The following COG8 variants were observed in gnomAD, a reference collection of about 807,000 sequenced individuals.
The protein encoded by COG8 is conserved oligomeric Golgi complex subunit 8.
COG8 carries 45 observed loss-of-function variants against 46.5 expected under a neutral mutation model. That is an observed-to-expected ratio of 0.97 (90% confidence interval 0.76 to 1.24). The LOEUF is 1.24. Among genes scored for constraint, COG8 ranks in the 50% most tolerant of loss-of-function variants. The pLI, the probability that COG8 is intolerant of heterozygous loss-of-function variation, is 0.00. For missense variants in COG8, 793 were observed against 820.8 expected (o/e 0.97, Z 0.41); for synonymous variants, 407 against 347.8 (o/e 1.17, Z -1.90).
chr16:69,333,022 A>C, intron 3 of COG8, 140 bp from the exon 4 acceptor site: 1 of 762,178 alleles, frequency 1.3e-6, no homozygotes, highest in Non-Finnish European at 2.2e-6. Context: ...TTACTGTCTC[A>C]TTTAAACTCA....
rs1359562223 is a variant in COG8, at chr16:69,339,480, C to T, written c.73G>A (p.Gly25Arg). 6 of 1,604,222 alleles carry T rather than the reference C, an allele frequency of 3.7e-6. No homozygotes were observed. In the African/African-American group the frequency reaches 6.7e-5, roughly 18 times the overall value. ...TCCCGGAACAGCGACGCCAGGAGCC[C>T]TTCATCCTCCACCTCGCCGAGAGCC... ...AAALGEVEDE[G>R]LLASLFRDRF... is the part of the protein sequence containing the mutation. Residue 25 changes from glycine to arginine, a missense_variant, in exon 1 of 6, where the codon GGG (glycine) becomes AGG (arginine). Gly to Arg is a moderately radical substitution (Grantham distance 125). Coordinates refer to ENST00000306875, the MANE Select transcript of COG8 (RefSeq NM_032382.5).
chr16:69,330,788 AC>A, intron 5 of COG8, 24 bp downstream of exon 5: 4 of 1,505,206 alleles, frequency 2.7e-6, no homozygotes, highest in Non-Finnish European at 3.5e-6. Context: ...AGTCCTGGCC[AC>A]CCCGCGCCGG....
chr16:69,339,472 C>G lies in COG8; in HGVS notation c.81G>C (p.Leu27=). 1.9e-6 allele frequency: 3 copies of G among 1,602,724 alleles called. No individual in the cohort carries two copies. The highest frequency in any genetic ancestry group is 1.7e-6 in the Non-Finnish European group (2 of 1,179,146). ...GGAAGCGGTCCCGGAACAGCGACGCCAGGAGCCCTTCATCCTCCACCTCGC... is the reference window on the plus strand; with the variant it reads ...GGAAGCGGTCCCGGAACAGCGACGCGAGGAGCCCTTCATCCTCCACCTCGC... ...ALGEVEDEGL[L]ASLFRDRFPE... Residue 27 remains leucine (L), a synonymous_variant, in exon 1 of 6, where the codon CTG becomes CTC. Coordinates refer to ENST00000306875, the MANE Select transcript of COG8 (RefSeq NM_032382.5).
At position 69,334,647 on chromosome 16, in the gene COG8, G is replaced by C. The variant is rs1248098003; in HGVS notation, c.1287C>G (p.Leu429=). The change falls in exon 3 of 6, where the codon CTC becomes CTG. Residue 429 remains leucine, a synonymous_variant. Coordinates refer to ENST00000306875, the MANE Select transcript of COG8 (RefSeq NM_032382.5). ...QPGTLQPPMV[L]LDFPPLACFL... ...AGCAGGCGAGGGGTGGGAAATCTAG[G>C]AGCACCATGGGTGGCTGCAGCGTCC... 6.2e-7 allele frequency: 1 copy of C among 1,614,186 alleles called. No homozygotes were observed. Among genetic ancestry groups the C allele is most frequent in the Non-Finnish European group, 8.5e-7 (1 of 1,180,032 alleles).
At chr16:69,331,682 T>C (rs1391953606) in intron 4 of COG8, among the ~76,000 whole-genome samples, 2 of 151,914 alleles carry the variant, frequency 1.3e-5, no homozygotes, top group Non-Finnish European at 2.9e-5. Flanking sequence ...TTTGTATTTT[T>C]AGTAGAGACG....
chr16:69,330,893 G>A lies in COG8; in HGVS notation c.1785C>T (p.Cys595=), dbSNP rs761610722. The change falls in exon 5 of 6, where the codon TGC becomes TGT. Residue 595 remains cysteine, a synonymous_variant. Coordinates refer to ENST00000306875, the MANE Select transcript of COG8 (RefSeq NM_032382.5). Reference sequence around the variant, plus strand: ...GCGTCTCCGCTCGCCCTCCCTCCGGGCAGGCTGGGCCCGCGGGCTCCAGGC... The same window carrying A: ...GCGTCTCCGCTCGCCCTCCCTCCGGACAGGCTGGGCCCGCGGGCTCCAGGC... ...EPRLEPAGPA[C]PEGGRAETQA... 9.9e-5 allele frequency: 153 copies of A among 1,549,716 alleles called. No individual in the cohort carries two copies. The highest frequency in any genetic ancestry group is 3.4e-4 in the Middle Eastern group (2 of 5,876).
chr16:69,330,784 G>A (rs775033549), intron 5 of COG8, 29 bp downstream of exon 5: 28 of 1,502,116 alleles, frequency 1.9e-5, no homozygotes, highest in Non-Finnish European at 2.2e-5. Flanking sequence ...AGGCAGTCCT[G>A]GCCACCCCGC....
In COG8 at chr16:69,332,180, G is replaced by A. The variant is rs563837263; in HGVS notation, c.1582+534C>T. ...ATCCTGGCCAACATGGTGAAACCCC[G>A]TCTCTACTAAAACACAAAAATTAGC... is the stretch of plus-strand genomic sequence containing the variant. On this transcript the variant is annotated intron_variant, in intron 4 of 5. Transcript: ENST00000306875. 1.0e-3 allele frequency among the ~76,000 whole-genome samples: 152 copies of A among 152,140 alleles called. No individual in the cohort carries two copies. The Middle Eastern group carries it at 0.01, about 10-fold the overall frequency.
chr16:69,327,568 G>C lies in COG8; in HGVS notation c.*1638C>G, dbSNP rs1287729912. On this transcript the variant is annotated 3_prime_UTR_variant, in exon 6 of 6. Coordinates refer to ENST00000306875, the MANE Select transcript of COG8 (RefSeq NM_032382.5). ...CCACAAAGGAGGATGGGTCTTTCCT[G>C]GGTTCATTTAACTGCCATTTATAAC... 2.0e-5 allele frequency: 3 copies of C among 151,950 alleles called. No homozygotes were observed. Among genetic ancestry groups the C allele is most frequent in the Non-Finnish European group, 4.4e-5 (3 of 68,026 alleles). 9.4% of individuals were successfully genotyped at this position (151,950 alleles called of 1,614,324 possible).
chr16:69,337,715 G>A (rs910148886), intron 1 of COG8, among the ~76,000 whole-genome samples: 1 of 150,742 alleles, frequency 6.6e-6, no homozygotes, highest in Non-Finnish European at 1.5e-5. Context: ...AATGGAGACA[G>A]AATATGACTC....
chr16:69,337,166 A>G (rs2012249714), intron 1 of COG8, among the ~76,000 whole-genome samples: 1 of 151,928 alleles, frequency 6.6e-6, no homozygotes, highest in Admixed American at 6.6e-5. Flanking sequence ...CTGTAGTCCC[A>G]GCTACTCAGG....
At chr16:69,331,511 ATT>A (rs568053540) in intron 4 of COG8, among the ~76,000 whole-genome samples, 1 of 129,680 alleles carries the variant, frequency 7.7e-6, no homozygotes, top group Admixed American at 7.7e-5. Flanking sequence ...AGCCATTACT[ATT>A]TTTTTTTTTG....
Position 69,330,180 on chromosome 16 carries a change from G to T in COG8, c.*26+633C>A, listed in dbSNP as rs768934889. Reference sequence around the variant, plus strand: ...TGGCGGGGCGGGCACTCCCGACACAGCGCCTCGGGGAGCTCCAGCGCCAGC... The same window carrying T: ...TGGCGGGGCGGGCACTCCCGACACATCGCCTCGGGGAGCTCCAGCGCCAGC... On this transcript the variant is annotated intron_variant, in intron 5 of 5. Transcript: ENST00000306875. The T allele has an allele frequency of 8.0e-5, 119 of 1,495,484 alleles. 2 individuals are homozygous for T. The South Asian group carries it at 1.5e-3, about 19-fold the overall frequency. 92.6% of individuals were successfully genotyped at this position (1,495,484 alleles called of 1,614,324 possible).
rs1316259365 is a variant in COG8 at position 69,335,080 on chromosome 16, A to G, written c.854T>C (p.Ile285Thr). ...GAAGATGGCACGGTACTGGGTGATG[A>G]TATCAAAGAGATGGACACGGGAGGC... is the stretch of plus-strand genomic sequence containing the variant. ...IEASRVHLFDIITQYRAIFSD... is the reference protein window; with the variant it reads ...IEASRVHLFDTITQYRAIFSD... The change falls in exon 3 of 6, where the codon ATC (isoleucine) becomes ACC (threonine). Residue 285 changes from isoleucine to threonine, a missense_variant. By Grantham distance (89) the Ile-to-Thr change is moderately conservative (BLOSUM62 -1). Coordinates refer to ENST00000306875, the MANE Select transcript of COG8 (RefSeq NM_032382.5). 1.2e-6 allele frequency: 2 copies of G among 1,614,062 alleles called. No individual in the cohort carries two copies. The highest frequency in any genetic ancestry group is 4.5e-5 in the East Asian group (2 of 44,902).
intron 3 of COG8, 94 bp from the exon 4 acceptor site, chr16:69,332,976 G>A: frequency 8.6e-7 from 1 of 1,164,674 alleles, no homozygotes. Context: ...TGCCCCTCCA[G>A]TTTTCCTGAA....
chr16:69,330,741 G>C, intron 5 of COG8, 72 bp downstream of exon 5: 1 of 1,428,876 alleles, frequency 7.0e-7, no homozygotes. Context: ...GCGCCTTCCC[G>C]CCTCCCGAAC....
In COG8 at chr16:69,335,250, G is replaced by C. The variant is rs1203805589; in HGVS notation, c.684C>G (p.Val228=). 1 of 1,613,806 alleles carries C rather than the reference G, an allele frequency of 6.2e-7. No homozygotes were observed. The highest frequency in any genetic ancestry group is 8.5e-7 in the Non-Finnish European group (1 of 1,179,986). Residue 228 remains valine (V), a synonymous_variant, in exon 3 of 6, where the codon GTC becomes GTG. Coordinates refer to ENST00000306875, the MANE Select transcript of COG8 (RefSeq NM_032382.5). ...TNIQLPACLR[V]IGYLRRMDVF... Reference sequence around the variant, plus strand: ...CGTCCATGCGCCGCAGGTAGCCAATGACACGGAGGCAGGCAGGAAGCTGGA... The same window carrying C: ...CGTCCATGCGCCGCAGGTAGCCAATCACACGGAGGCAGGCAGGAAGCTGGA...
chr16:69,337,154 G>A (rs1004533747), intron 1 of COG8, among the ~76,000 whole-genome samples: 8 of 151,898 alleles, frequency 5.3e-5, no homozygotes, highest in African/African-American at 9.7e-5. Context: ...GGTGGTGCGC[G>A]CCTGTAGTCC....
Position 69,336,560 on chromosome 16 carries a change from A to C in COG8, c.530T>G (p.Leu177Arg). The C allele has an allele frequency of 1.2e-6, 2 of 1,614,186 alleles. No homozygotes were observed. The highest frequency in any genetic ancestry group is 1.7e-6 in the Non-Finnish European group (2 of 1,180,032). ...CTCCAGTCGGCGTACGTAGGCTGCA[A>C]GCTCCAGGGCCTCTTCATAATAACT... ...RNSYYEEALE[L>R]AAYVRRLERK... The change falls in exon 2 of 6, where the codon CTT becomes CGT. Residue 177 changes from leucine (L) to arginine (R), a missense_variant. Physicochemically the swap from Leu to Arg is moderately radical, Grantham distance 102. Transcript: ENST00000306875.
Sources: allele counts gnomAD v4.1 joint callset (sites outside exome capture counted in the v4.1 genomes callset), GRCh38; gene constraint gnomAD v4.1.1; transcripts MANE v1.5; gene names NCBI Gene and HGNC (gene_info 2026-07-23, HGNC 2026-07-21).